PPP2R2C: variants seen among roughly 807,000 people sequenced by gnomAD.
PPP2R2C encodes the protein protein phosphatase 2 regulatory subunit Bgamma.
In PPP2R2C, 10 loss-of-function variants were observed where a neutral mutation model predicts 45.3. That is an observed-to-expected ratio of 0.22 (90% CI 0.14 to 0.37). The LOEUF is 0.37. PPP2R2C is among the 10% of genes least tolerant of loss of function. PPP2R2C has a pLI of 1.00. For missense variants in PPP2R2C, 308 were observed against 619.7 expected, an observed-to-expected ratio of 0.50 and a Z score of 5.34; for synonymous variants, 257 against 245.4, an observed-to-expected ratio of 1.05 and a Z score of -0.44.
chr4:6,535,572 C>T (rs1724579818), intron 1 of PPP2R2C, among the ~76,000 whole-genome samples: 1 of 152,200 alleles, frequency 6.6e-6, no homozygotes, highest in African/African-American at 2.4e-5. Flanking sequence ...TGAGCCTCAG[C>T]TTCCAAATCT....
upstream of PPP2R2C, among the ~76,000 whole-genome samples, chr4:6,473,970 T>C (rs55737752): frequency 0.1 from 15,829 of 152,282 alleles, 1,115 homozygotes; most frequent in Non-Finnish European, 0.16. Flanking sequence ...CAGCACCTGC[T>C]TTGGCAAGTG....
intron 5 of PPP2R2C, among the ~76,000 whole-genome samples, chr4:6,354,822 G>GC (rs1293768072): frequency 6.6e-6 from 1 of 152,052 alleles, no homozygotes; most frequent in African/African-American, 2.4e-5. Context: ...TCCGCCCACA[G>GC]CCCCCCACAG....
rs973203319 is a variant in PPP2R2C, at chr4:6,326,848, C to T, written c.1052+2414G>A. ...CAGGGGCCATCGGGCAGCCACCACG[C>T]GGCAGCAGCGGCGCTCTGCGGGCCG... On this transcript the variant is annotated intron_variant, in intron 8 of 8. Coordinates refer to ENST00000382599, the MANE Select transcript of PPP2R2C (RefSeq NM_020416.4). Among the ~76,000 whole-genome samples, 8 of 152,320 alleles carry T rather than the reference C, an allele frequency of 5.3e-5. No homozygotes were observed. The East Asian group carries it at 1.2e-3, about 22-fold the overall frequency.
intron 1 of PPP2R2C, among the ~76,000 whole-genome samples, chr4:6,416,568 G>A (rs943993472): frequency 5.3e-5 from 8 of 152,232 alleles, no homozygotes; most frequent in South Asian, 2.1e-4. Context: ...CCCCCGGGGT[G>A]AAGCAGAAGC....
chr4:6,327,322 C>T (rs1271850360), intron 8 of PPP2R2C, among the ~76,000 whole-genome samples: 1 of 152,220 alleles, frequency 6.6e-6, no homozygotes, highest in East Asian at 1.9e-4. Flanking sequence ...GCGTGGCTGG[C>T]GTGTAAAGTG....
At chr4:6,418,015 G>C (rs1305230298) in intron 1 of PPP2R2C, among the ~76,000 whole-genome samples, 1 of 152,062 alleles carries the variant, frequency 6.6e-6, no homozygotes, top group Non-Finnish European at 1.5e-5. Flanking sequence ...GAAGGAGGGG[G>C]TGGGGAGAAC....
At chr4:6,338,098 C>T (rs1366174049) in intron 6 of PPP2R2C, among the ~76,000 whole-genome samples, 1 of 152,012 alleles carries the variant, frequency 6.6e-6, no homozygotes, top group East Asian at 1.9e-4. Context: ...TAAGGGGTCT[C>T]CCCTCTAATT....
chr4:6,390,553 C>A (rs1370403965), intron 1 of PPP2R2C, among the ~76,000 whole-genome samples: 1 of 152,306 alleles, frequency 6.6e-6, no homozygotes, highest in South Asian at 2.1e-4. Flanking sequence ...GGGCGGCGGG[C>A]GCATGGGAGG....
At chr4:6,373,436 T>C (rs1715026430) in intron 4 of PPP2R2C, among the ~76,000 whole-genome samples, 1 of 152,226 alleles carries the variant, frequency 6.6e-6, no homozygotes, top group African/African-American at 2.4e-5. Flanking sequence ...CATCAGACAC[T>C]GAGCTTTCAC....
intron 2 of PPP2R2C, among the ~76,000 whole-genome samples, chr4:6,489,912 G>T (rs759387911): frequency 6.6e-6 from 1 of 152,168 alleles, no homozygotes; most frequent in Non-Finnish European, 1.5e-5. Flanking sequence ...CCATACACTG[G>T]ATTCAAGAAA....
chr4:6,458,900 T>G (rs1489431819), intron 1 of PPP2R2C, among the ~76,000 whole-genome samples: 1 of 152,174 alleles, frequency 6.6e-6, no homozygotes, highest in Admixed American at 6.5e-5. Context: ...CAACAGAGAT[T>G]GACCCAGGCT....
At chr4:6,349,054 T>A in intron 5 of PPP2R2C, 2 of 985,364 alleles carry the variant, frequency 2.0e-6, no homozygotes, top group Non-Finnish European at 2.4e-6. Flanking sequence ...CCTTCCCTGC[T>A]GCCCAGCAGC....
At chr4:6,409,375 C>A (rs1357550625) in intron 1 of PPP2R2C, among the ~76,000 whole-genome samples, 1 of 152,220 alleles carries the variant, frequency 6.6e-6, no homozygotes, top group Non-Finnish European at 1.5e-5. Flanking sequence ...AAACAAGGCC[C>A]ATCCAGGATG....
chr4:6,493,366 G>A (rs759547733), intron 2 of PPP2R2C, among the ~76,000 whole-genome samples: 3 of 151,742 alleles, frequency 2.0e-5, no homozygotes, highest in Non-Finnish European at 4.4e-5. Context: ...GGTGGGGGGC[G>A]TGTGGACATG....
intron 2 of PPP2R2C, among the ~76,000 whole-genome samples, chr4:6,511,486 T>TTGG (rs202218710): frequency 3.2e-3 from 40 of 12,666 alleles, no homozygotes; most frequent in African/African-American, 9.9e-3. Flanking sequence ...GATGGCGGTG[T>TTGG]TGGTGGTGAT....
At chr4:6,434,773 T>A (rs1355092301) in intron 1 of PPP2R2C, among the ~76,000 whole-genome samples, 2 of 118,398 alleles carry the variant, frequency 1.7e-5, no homozygotes, top group Non-Finnish European at 1.7e-5. Context: ...GCTATTTTAG[T>A]CCTTGCCTAT....
At chr4:6,521,753 T>C (rs908401215) in intron 2 of PPP2R2C, among the ~76,000 whole-genome samples, 1 of 152,196 alleles carries the variant, frequency 6.6e-6, no homozygotes, top group Non-Finnish European at 1.5e-5. Flanking sequence ...ACACACTGCA[T>C]CTGCAGAACA....
intron 1 of PPP2R2C, chr4:6,382,095 T>C (rs1474477624): frequency 1.5e-6 from 2 of 1,345,528 alleles, no homozygotes; most frequent in Non-Finnish European, 1.9e-6. Flanking sequence ...AAATGATTAT[T>C]ACTTTTAATT....
intron 6 of PPP2R2C, among the ~76,000 whole-genome samples, chr4:6,334,333 A>ATG (rs1732664458): frequency 2.0e-5 from 3 of 152,244 alleles, no homozygotes; most frequent in African/African-American, 7.2e-5. Flanking sequence ...CCATCCACTG[A>ATG]CCATCTCCTT....
Sources: allele counts gnomAD v4.1 joint callset (sites outside exome capture counted in the v4.1 genomes callset), GRCh38; gene constraint gnomAD v4.1.1; transcripts MANE v1.5; gene names NCBI Gene and HGNC (gene_info 2026-07-23, HGNC 2026-07-21).